NKAIN3: variants seen among roughly 807,000 people sequenced by gnomAD.
NKAIN3 encodes sodium/potassium transporting ATPase interacting 3, also known as sodium/potassium-transporting ATPase subunit beta-1-interacting protein 3.
A neutral mutation model predicts 30.2 loss-of-function variants in NKAIN3; 25 were observed. That is an observed-to-expected ratio of 0.83 (90% CI 0.60 to 1.16). NKAIN3 has a LOEUF of 1.16. Ranked by LOEUF, NKAIN3 falls within the 50% of genes most tolerant of loss-of-function variation. NKAIN3 has a pLI of 0.00. For synonymous variants in NKAIN3, 91 were observed against 89.6 expected (o/e 1.02, Z -0.09); for missense variants, 225 against 254.1 (o/e 0.89, Z 0.78).
Position 62,456,789 on chromosome 8 carries a change from T to C in NKAIN3, c.55-122750T>C, listed in dbSNP as rs532273557. On this transcript the variant is annotated intron_variant, in intron 1 of 6. Transcript: ENST00000623646. ...TGTGATTTTGGAGTTATTGCAATCTTAACCAAATTTTAAAAATCATGGCTT... is the reference window on the plus strand; with the variant it reads ...TGTGATTTTGGAGTTATTGCAATCTCAACCAAATTTTAAAAATCATGGCTT... Among the ~76,000 whole-genome samples the C allele has an allele frequency of 3.3e-5, 5 of 152,368 alleles. No homozygotes were observed. In the East Asian group the frequency reaches 7.7e-4, roughly 24 times the overall value.
chr8:62,985,935 C>T (rs1824191355), downstream of NKAIN3, among the ~76,000 whole-genome samples: 1 of 151,958 alleles, frequency 6.6e-6, no homozygotes, highest in South Asian at 2.1e-4. Flanking sequence ...CTTTTTTTTC[C>T]ATTTCCATTT....
intron 1 of NKAIN3, among the ~76,000 whole-genome samples, chr8:62,560,336 T>C (rs1387136717): frequency 6.6e-6 from 1 of 152,054 alleles, no homozygotes; most frequent in Non-Finnish European, 1.5e-5. Context: ...TCAGCCATTA[T>C]TTCCTCAGGT....
intron 4 of NKAIN3, among the ~76,000 whole-genome samples, chr8:62,881,286 T>C (rs778754654): frequency 6.6e-6 from 1 of 152,208 alleles, no homozygotes; most frequent in Non-Finnish European, 1.5e-5. Context: ...CTTCCACCTA[T>C]TCATCTGTTC....
intron 1 of NKAIN3, among the ~76,000 whole-genome samples, chr8:62,349,678 A>T (rs1816122303): frequency 6.6e-6 from 1 of 152,160 alleles, no homozygotes; most frequent in African/African-American, 2.4e-5. Flanking sequence ...TAAGCAGGCC[A>T]GGCTCAGTAG....
intron 1 of NKAIN3, chr8:62,483,709 G>C (rs16929021): frequency 0.016 from 4,850 of 305,108 alleles, 290 homozygotes; most frequent in African/African-American, 0.1. Flanking sequence ...CCCTTGCCGA[G>C]TCAATAAATT....
intron 4 of NKAIN3, among the ~76,000 whole-genome samples, chr8:62,765,198 G>T (rs1202364593): frequency 7.8e-6 from 1 of 127,884 alleles, no homozygotes; most frequent in African/African-American, 3.0e-5. Context: ...AGTGAGCTGA[G>T]ATCATGCCAT....
intron 1 of NKAIN3, among the ~76,000 whole-genome samples, chr8:62,396,293 T>G (rs902715514): frequency 6.6e-6 from 1 of 152,156 alleles, no homozygotes; most frequent in Non-Finnish European, 1.5e-5. Context: ...TCTTAGGCAG[T>G]TCAGTTTAGA....
intron 3 of NKAIN3, among the ~76,000 whole-genome samples, chr8:62,640,262 G>A (rs1467161391): frequency 1.3e-5 from 2 of 152,030 alleles, no homozygotes; most frequent in African/African-American, 4.8e-5. Flanking sequence ...GGAGGTGATA[G>A]GATCACGGGG....
chr8:62,412,242 A>G (rs2129595967), intron 1 of NKAIN3, among the ~76,000 whole-genome samples: 1 of 152,310 alleles, frequency 6.6e-6, no homozygotes, highest in African/African-American at 2.4e-5. Flanking sequence ...GGAACAGAAT[A>G]GAAAATGCAG....
chr8:62,298,049 C>T (rs1449633116), intron 1 of NKAIN3, among the ~76,000 whole-genome samples: 1 of 151,684 alleles, frequency 6.6e-6, no homozygotes, highest in Non-Finnish European at 1.5e-5. Flanking sequence ...TGGAAATCAT[C>T]ATTCTCAGTA....
intron 4 of NKAIN3, among the ~76,000 whole-genome samples, chr8:62,886,249 A>G (rs1311456347): frequency 2.6e-5 from 4 of 152,010 alleles, no homozygotes; most frequent in Admixed American, 2.0e-4. Flanking sequence ...ACCAGTTCCC[A>G]GGTAGAGTGA....
intron 1 of NKAIN3, among the ~76,000 whole-genome samples, chr8:62,254,865 G>A (rs1410928061): frequency 1.3e-5 from 2 of 152,124 alleles, no homozygotes; most frequent in South Asian, 4.1e-4. Flanking sequence ...ATTTAAATTA[G>A]CGTTAACATT....
rs545867029 is a variant in NKAIN3, at chr8:62,984,647, C to G, written c.*19240C>G. 7.9e-5 allele frequency: 12 copies of G among 152,212 alleles called. No homozygotes were observed. In the East Asian group the frequency reaches 2.3e-3, roughly 29 times the overall value. 9.4% of individuals were successfully genotyped at this position (152,212 alleles called of 1,614,324 possible). ...AGCTATCTTATATGATGTTGGTAGC[C>G]TGTGAAAAAATAAATGTCTTTTTTC... On this transcript the variant is annotated 3_prime_UTR_variant, in exon 7 of 7. Transcript: ENST00000623646.
At chr8:62,385,767 G>A (rs1234385970) in intron 1 of NKAIN3, among the ~76,000 whole-genome samples, 1 of 152,122 alleles carries the variant, frequency 6.6e-6, no homozygotes, top group Non-Finnish European at 1.5e-5. Flanking sequence ...TTTCCAGAAT[G>A]GTGTATAAAT....
intron 1 of NKAIN3, chr8:62,383,668 A>ACC (rs1377962425): frequency 2.6e-6 from 1 of 387,634 alleles, no homozygotes; most frequent in African/African-American, 2.1e-5. Flanking sequence ...AAATTCTCCA[A>ACC]CTTTCGGTCC....
chr8:62,514,597 A>T (rs1295810679), intron 1 of NKAIN3, among the ~76,000 whole-genome samples: 1 of 152,192 alleles, frequency 6.6e-6, no homozygotes, highest in Non-Finnish European at 1.5e-5. Context: ...ATGTAGGCTG[A>T]TAGTAGTTCA....
chr8:62,781,126 T>C (rs565585220), intron 4 of NKAIN3, among the ~76,000 whole-genome samples: 1 of 152,140 alleles, frequency 6.6e-6, no homozygotes, highest in South Asian at 2.1e-4. Context: ...AGCATTTATA[T>C]ATGCAAATAT....
chr8:62,910,881 T>C (rs948641996), intron 4 of NKAIN3, among the ~76,000 whole-genome samples: 1 of 152,150 alleles, frequency 6.6e-6, no homozygotes, highest in Admixed American at 6.6e-5. Flanking sequence ...TCAAGAGACG[T>C]TCTCATCAAT....
intron 3 of NKAIN3, among the ~76,000 whole-genome samples, chr8:62,652,960 C>A (rs569276791): frequency 2.0e-5 from 3 of 152,024 alleles, no homozygotes; most frequent in Non-Finnish European, 2.9e-5. Flanking sequence ...GAAACAGAAC[C>A]AGGAAAGGGG....
Sources: allele counts gnomAD v4.1 joint callset (sites outside exome capture counted in the v4.1 genomes callset), GRCh38; gene constraint gnomAD v4.1.1; transcripts MANE v1.5; gene names NCBI Gene and HGNC (gene_info 2026-07-23, HGNC 2026-07-21).